The following OSBPL10 variants were observed in gnomAD, a reference collection of about 807,000 sequenced individuals.
The protein encoded by OSBPL10 is oxysterol binding protein like 10.
Under a neutral mutation model 81.7 loss-of-function variants are expected in OSBPL10, and 49 were observed. The ratio of observed to expected loss-of-function variants is 0.60; its 90% confidence interval spans 0.48 to 0.76. The LOEUF (loss-of-function observed/expected upper bound fraction) is 0.76. Ranked by LOEUF, OSBPL10 falls within the 30% of genes least tolerant of loss-of-function variation. The pLI, the probability that OSBPL10 is intolerant of heterozygous loss-of-function variation, is 0.00. For missense variants in OSBPL10, 923 were observed against 987.8 expected (o/e 0.93, Z 0.88); for synonymous variants, 419 against 383.6 (o/e 1.09, Z -1.08).
At chr3:31,827,964 A>G (rs541229107) in intron 4 of OSBPL10, among the ~76,000 whole-genome samples, 1 of 152,268 alleles carries the variant, frequency 6.6e-6, no homozygotes, top group East Asian at 1.9e-4. Context: ...AAGTACCTCA[A>G]CTTTTATTTA....
At position 31,681,642 on chromosome 3, in the gene OSBPL10, T is replaced by C. The variant is rs150416324; in HGVS notation, c.1726+1992A>G. ...GATCACTCTCGCACTTTGAAGCCCTTCTTCACTTGCCTCGCAAGGAGCACC... is the reference window on the plus strand; with the variant it reads ...GATCACTCTCGCACTTTGAAGCCCTCCTTCACTTGCCTCGCAAGGAGCACC... On this transcript the variant is annotated intron_variant, in intron 8 of 11. Transcript: ENST00000396556. 4.6e-3 allele frequency among the ~76,000 whole-genome samples: 707 copies of C among 152,250 alleles called. 4 individuals are homozygous for C. Among genetic ancestry groups the C allele is most frequent in the African/African-American group, 0.016 (670 of 41,536 alleles).
intron 3 of OSBPL10, among the ~76,000 whole-genome samples, chr3:31,833,843 A>G (rs1273629074): frequency 6.6e-6 from 1 of 152,196 alleles, no homozygotes; most frequent in Admixed American, 6.5e-5. Context: ...ATCACCATGA[A>G]TGGCAATAAA....
chr3:31,678,641 G>GA (rs1700550031), intron 8 of OSBPL10, among the ~76,000 whole-genome samples: 1 of 152,166 alleles, frequency 6.6e-6, no homozygotes, highest in East Asian at 1.9e-4. Context: ...GGGAGGTATT[G>GA]ACCCTCTACT....
intron 6 of OSBPL10, among the ~76,000 whole-genome samples, chr3:31,719,426 T>G (rs1410208270): frequency 2.0e-5 from 3 of 152,158 alleles, no homozygotes; most frequent in Admixed American, 1.3e-4. Context: ...AACAAGATGT[T>G]AAAGACAAAA....
intron 2 of OSBPL10, among the ~76,000 whole-genome samples, chr3:32,041,499 G>A (rs1699574759): frequency 6.6e-6 from 1 of 152,036 alleles, no homozygotes; most frequent in Non-Finnish European, 1.5e-5. Flanking sequence ...GCACACTTAG[G>A]ACAGGCTTTA....
intron 1 of OSBPL10, among the ~76,000 whole-genome samples, chr3:32,071,358 C>T (rs960371422): frequency 5.3e-5 from 8 of 152,176 alleles, no homozygotes; most frequent in Non-Finnish European, 1.2e-4. Flanking sequence ...AAAAGGAAAC[C>T]TAGCTGACCT....
At chr3:32,036,286 C>T (rs1257618732) in intron 2 of OSBPL10, among the ~76,000 whole-genome samples, 2 of 152,108 alleles carry the variant, frequency 1.3e-5, no homozygotes, top group Non-Finnish European at 2.9e-5. Context: ...GGCCTTAAGC[C>T]ATCCTCCTGC....
At chr3:31,990,981 G>A (rs747339152) in intron 2 of OSBPL10, 1 of 1,563,662 alleles carries the variant, frequency 6.4e-7, no homozygotes, top group South Asian at 1.2e-5. Context: ...TCAGTTAGAG[G>A]TCACTCCTTG....
intron 6 of OSBPL10, among the ~76,000 whole-genome samples, chr3:31,705,801 C>T (rs1189602339): frequency 6.6e-6 from 1 of 152,158 alleles, no homozygotes; most frequent in Non-Finnish European, 1.5e-5. Flanking sequence ...ACTTATAAAA[C>T]AGTAACAACT....
At position 31,837,318 on chromosome 3, in the gene OSBPL10, AAATTATATATAT is replaced by A. The variant is rs1461999364; in HGVS notation, c.538-7099_538-7088del. Reference sequence around the variant, plus strand: ...TATATTCCTAGAATTACAGATCCCCAAATTATATATATATATATATATATATATATATATATA... The same window carrying A: ...TATATTCCTAGAATTACAGATCCCCAATATATATATATATATATATATATA... On this transcript the variant is annotated intron_variant, in intron 3 of 11. Transcript: ENST00000396556. Among the ~76,000 whole-genome samples, 9 of 97,554 alleles carry A rather than the reference AAATTATATATAT, an allele frequency of 9.2e-5. No individual in the cohort carries two copies. The South Asian group carries it at 1.1e-3, about 12-fold the overall frequency. 64.0% of individuals were successfully genotyped at this position (97,554 alleles called of 152,430 possible). A position where few individuals can be genotyped will look rare whatever the true frequency, so the allele number is the denominator to read the frequency against.
chr3:31,732,407 T>C (rs960489360), intron 6 of OSBPL10, among the ~76,000 whole-genome samples: 15 of 152,228 alleles, frequency 9.9e-5, no homozygotes, highest in Admixed American at 5.9e-4. Flanking sequence ...CTTTCAACCT[T>C]ATCAAATAGA....
rs557665796 is a variant in OSBPL10 at position 31,767,156 on chromosome 3, G to A, written c.730-19036C>T. Among the ~76,000 whole-genome samples the A allele has an allele frequency of 2.0e-4, 31 of 152,262 alleles. 1 individual carries two copies. In the South Asian group the frequency reaches 6.2e-3, roughly 31 times the overall value. ...TGTGGAAATTAAAATTACCACTGAG[G>A]AGCTCTGGATTTTGCTACAATATTA... On this transcript the variant is annotated intron_variant, in intron 4 of 11. Transcript: ENST00000396556.
intron 1 of OSBPL10, among the ~76,000 whole-genome samples, chr3:31,943,272 G>C (rs1697587110): frequency 2.6e-5 from 4 of 152,036 alleles, no homozygotes; most frequent in Admixed American, 2.6e-4. Context: ...TGCACACTTG[G>C]GTTGTTTCCA....
intron 4 of OSBPL10, among the ~76,000 whole-genome samples, chr3:31,791,273 C>T (rs572023903): frequency 2.9e-4 from 44 of 152,302 alleles, no homozygotes; most frequent in African/African-American, 9.9e-4. Flanking sequence ...AGTATATGCA[C>T]AGTGGCTTTT....
At chr3:31,912,297 G>A (rs542949019) in intron 1 of OSBPL10, among the ~76,000 whole-genome samples, 1 of 151,854 alleles carries the variant, frequency 6.6e-6, no homozygotes, top group Non-Finnish European at 1.5e-5. Context: ...GGGAGGCTGA[G>A]GCAGGAGAAT....
intron 1 of OSBPL10, among the ~76,000 whole-genome samples, chr3:32,058,797 G>T (rs935535029): frequency 6.6e-6 from 1 of 152,126 alleles, no homozygotes; most frequent in African/African-American, 2.4e-5. Flanking sequence ...CCCAGTGGCT[G>T]CCTCTGTCTG....
intron 1 of OSBPL10, among the ~76,000 whole-genome samples, chr3:32,055,191 C>CTTTTTTTTT (rs139735770): frequency 8.6e-5 from 5 of 58,298 alleles, no homozygotes; most frequent in South Asian, 1.0e-3. Context: ...CTATTTATAG[C>CTTTTTTTTT]TTTTTTTTTT....
At chr3:31,964,814 T>C (rs571238443) in intron 1 of OSBPL10, among the ~76,000 whole-genome samples, 45 of 152,226 alleles carry the variant, frequency 3.0e-4, no homozygotes, top group Non-Finnish European at 5.6e-4. Context: ...AAATTAAATG[T>C]AAAAGTAAGT....
At chr3:31,969,288 C>T (rs1391254587) in intron 1 of OSBPL10, 1 of 152,524 alleles carries the variant, frequency 6.6e-6, no homozygotes, top group Admixed American at 6.5e-5. Context: ...CTCATCCATC[C>T]CCTAAACACT....
Sources: allele counts gnomAD v4.1 joint callset (sites outside exome capture counted in the v4.1 genomes callset), GRCh38; gene constraint gnomAD v4.1.1; transcripts MANE v1.5; gene names NCBI Gene and HGNC (gene_info 2026-07-23, HGNC 2026-07-21).